Variants in TMUB2 observed in about 807,000 individuals in gnomAD.
TMUB2 encodes the protein transmembrane and ubiquitin like domain containing 2.
Under a neutral mutation model 20.2 loss-of-function variants are expected in TMUB2, and 19 were observed. The ratio of observed to expected loss-of-function variants is 0.94; its 90% CI spans 0.66 to 1.38. TMUB2 has a LOEUF of 1.38. Ranked by LOEUF, TMUB2 falls within the 40% of genes most tolerant of loss-of-function variation. The pLI, the probability that TMUB2 is intolerant of heterozygous loss-of-function variation, is 0.00. For synonymous variants in TMUB2, 186 were observed against 166.0 expected, an observed-to-expected ratio of 1.12 and a Z score of -0.92; for missense variants, 426 against 402.5, an observed-to-expected ratio of 1.06 and a Z score of -0.50.
At chr17:44,187,442 G>A (rs1166122231) in intron 1 of TMUB2, 2 of 543,492 alleles carry the variant, frequency 3.7e-6, no homozygotes, top group African/African-American at 1.9e-5. Context: ...GTACGGACAG[G>A]GTAGATCACA....
chr17:44,187,461 G>A (rs775735198), intron 1 of TMUB2: 16 of 566,640 alleles, frequency 2.8e-5, no homozygotes, highest in African/African-American at 1.1e-4. Flanking sequence ...CAGGCTGAGG[G>A]ACAGAGCAAA....
In TMUB2 at chr17:44,191,873, A is replaced by G. The variant is rs2055656827; in HGVS notation, c.*1009A>G. 1 of 347,580 alleles carries G rather than the reference A, an allele frequency of 2.9e-6. No homozygotes were observed. The highest frequency in any genetic ancestry group is 4.0e-6 in the Non-Finnish European group (1 of 247,202). The allele number at this position is 347,580 out of a possible 1,614,324, so 21.5% of individuals were successfully genotyped here. On this transcript the variant is annotated 3_prime_UTR_variant, in exon 4 of 4. Transcript: ENST00000538716. ...GCAGAGGGAATACACAGCGTTTACA[A>G]AGTTAGCTACCTGTACAGAATGGAT...
chr17:44,190,400 C>A, intron 3 of TMUB2, 101 bp from the exon 4 acceptor site: 2 of 1,226,710 alleles, frequency 1.6e-6, no homozygotes, highest in African/African-American at 1.5e-5. Flanking sequence ...AAAAAATCCA[C>A]CCTCCAGTTT....
In TMUB2 at chr17:44,191,692, G is replaced by C; in HGVS notation, c.*828G>C. On this transcript the variant is annotated 3_prime_UTR_variant, in exon 4 of 4. Coordinates refer to ENST00000538716, the MANE Select transcript of TMUB2 (RefSeq NM_001076674.3). ...TGCTTCTGGGGCTATTGGAGGGTCA[G>C]TGTCTGTGACTGAATAAAGTTCCAT... is the stretch of plus-strand genomic sequence containing the variant. The C allele has an allele frequency of 1.0e-6, 1 of 985,812 alleles. No homozygotes were observed. Among genetic ancestry groups the C allele is most frequent in the Non-Finnish European group, 1.2e-6 (1 of 829,986 alleles). 61.1% of individuals were successfully genotyped at this position (985,812 alleles called of 1,614,324 possible).
chr17:44,187,483 C>T (rs971408065), intron 1 of TMUB2, 193 bp from the exon 2 acceptor site: 3 of 586,330 alleles, frequency 5.1e-6, no homozygotes, highest in Non-Finnish European at 6.1e-6. Flanking sequence ...ACCCCTGAGG[C>T]CGGACACCTG....
chr17:44,189,631 C>G (rs748909395), intron 3 of TMUB2, 43 bp downstream of exon 3: 1 of 1,512,076 alleles, frequency 6.6e-7, no homozygotes, highest in Admixed American at 2.1e-5. Flanking sequence ...GCTCATCCCC[C>G]AGCCCTTGGT....
In TMUB2 at chr17:44,190,737, T is replaced by G. The variant is rs373765208; in HGVS notation, c.839T>G (p.Val280Gly). 5 of 1,614,112 alleles carry G rather than the reference T, an allele frequency of 3.1e-6. No homozygotes were observed. The highest frequency in any genetic ancestry group is 4.2e-6 in the Non-Finnish European group (5 of 1,180,046). Reference protein sequence around the residue: ...VGSLMVPVFVVLLGVVWYFRI... With the variant: ...VGSLMVPVFVGLLGVVWYFRI... ...AGCCTCATGGTGCCTGTCTTTGTGG[T>G]GCTGTTGGGTGTGGTCTGGTACTTC... Residue 280 changes from valine (V) to glycine (G), a missense_variant, in exon 4 of 4, where the codon GTG becomes GGG. By Grantham distance (109) the Val-to-Gly change is moderately radical. Transcript: ENST00000538716.
chr17:44,190,440 G>GCCTGTTTGCCTTCTCATT, intron 3 of TMUB2, 61 bp from the exon 4 acceptor site: 1 of 1,524,216 alleles, frequency 6.6e-7, no homozygotes, highest in Non-Finnish European at 8.8e-7. Flanking sequence ...GTTGGTCCAG[G>GCCTGTTTGCCTTCTCATT]CCTGTTTGCC....
intron 3 of TMUB2, 81 bp from the exon 4 acceptor site, chr17:44,190,420 C>G (rs961027797): frequency 1.4e-6 from 2 of 1,445,008 alleles, no homozygotes; most frequent in Non-Finnish European, 1.8e-6. Flanking sequence ...TTTCCCCACT[C>G]CCCTGCTTTG....
chr17:44,187,804 C>T lies in TMUB2; in HGVS notation c.35+61C>T, dbSNP rs1340165263. 9.8e-6 allele frequency: 7 copies of T among 717,508 alleles called. No individual in the cohort carries two copies. In the African/African-American group the frequency reaches 1.2e-4, roughly 13 times the overall value. 44.4% of individuals were successfully genotyped at this position (717,508 alleles called of 1,614,324 possible). A position where few individuals can be genotyped will look rare whatever the true frequency, so the allele number is the denominator to read the frequency against. On this transcript the variant is annotated intron_variant, in intron 2 of 3. Coordinates refer to ENST00000538716, the MANE Select transcript of TMUB2 (RefSeq NM_001076674.3). ...AAAGCTGAGGCTCTGAGAAAGTTGT[C>T]TGAGGTGTTATAGCTAGTAAGACGC...
Position 44,190,792 on chromosome 17 carries a change from A to G in TMUB2, c.894A>G (p.Ala298=). Residue 298 remains alanine (A), a synonymous_variant, in exon 4 of 4, where the codon GCA becomes GCG. Transcript: ENST00000538716. The stretch of plus-strand genomic sequence containing the variant: ...TCAATTACCGCCAATTCTTCACAGC[A>G]CCTGCCACTGTCTCCCTGGTGGGAG... The part of the protein sequence containing the change: ...FRINYRQFFT[A]PATVSLVGVT... The G allele has an allele frequency of 6.3e-7, 1 of 1,591,342 alleles. No individual in the cohort carries two copies. The highest frequency in any genetic ancestry group is 8.6e-7 in the Non-Finnish European group (1 of 1,169,496).
In TMUB2 at chr17:44,189,571, C is replaced by T. The variant is rs758226035; in HGVS notation, c.585C>T (p.Thr195=). 5.0e-6 allele frequency: 8 copies of T among 1,594,940 alleles called. No homozygotes were observed. The highest frequency in any genetic ancestry group is 1.3e-5 in the African/African-American group (1 of 74,522). The change falls in exon 3 of 4, where the codon ACC becomes ACT. Residue 195 remains threonine, a synonymous_variant. Transcript: ENST00000538716. ...EELAVARPED[T]VGALKSKYFP... is the part of the protein sequence containing the mutation. ...TGGCTGTGGCTAGGCCAGAGGATACCGTGGGTGCCCTGAAGAGGTGAGTGG... is the reference window on the plus strand; with the variant it reads ...TGGCTGTGGCTAGGCCAGAGGATACTGTGGGTGCCCTGAAGAGGTGAGTGG...
At chr17:44,187,535 G>A (rs1290895556) in intron 1 of TMUB2, 141 bp from the exon 2 acceptor site, 2 of 630,730 alleles carry the variant, frequency 3.2e-6, no homozygotes, top group East Asian at 2.8e-5. Flanking sequence ...CCCTGTGTCT[G>A]TGCCAATCGT....
At position 44,191,848 on chromosome 17, in the gene TMUB2, G is replaced by A. The variant is rs1200793167; in HGVS notation, c.*984G>A. 4.2e-5 allele frequency: 22 copies of A among 528,882 alleles called. No homozygotes were observed. The highest frequency in any genetic ancestry group is 9.4e-4 in the Middle Eastern group (1 of 1,064). 32.8% of individuals were successfully genotyped at this position (528,882 alleles called of 1,614,324 possible). Reference sequence around the variant, plus strand: ...TTTATTTACACCAGCAGCCATGGGGGCAGAGGGAATACACAGCGTTTACAA... The same window carrying A: ...TTTATTTACACCAGCAGCCATGGGGACAGAGGGAATACACAGCGTTTACAA... On this transcript the variant is annotated 3_prime_UTR_variant, in exon 4 of 4. Coordinates refer to ENST00000538716, the MANE Select transcript of TMUB2 (RefSeq NM_001076674.3).
In TMUB2 at chr17:44,191,212, T is replaced by G; in HGVS notation, c.*348T>G. On this transcript the variant is annotated 3_prime_UTR_variant, in exon 4 of 4. Transcript: ENST00000538716. ...GACTCTTCCCAGTGTCCTGCATGTC[T>G]GCCCCCAGCACCCAGGGCTGCCTGC... 9.4e-7 allele frequency: 1 copy of G among 1,061,562 alleles called. No individual in the cohort carries two copies. Among genetic ancestry groups the G allele is most frequent in the Non-Finnish European group, 1.1e-6 (1 of 876,716 alleles). The allele number at this position is 1,061,562 out of a possible 1,614,324, so 65.8% of individuals were successfully genotyped here.
Position 44,191,178 on chromosome 17 carries a change from T to C in TMUB2, c.*314T>C. ...CTGGGCTCTGAGATTCCCTCCCACC[T>C]GTGGTTCTGACTCTTCCCAGTGTCC... is the stretch of plus-strand genomic sequence containing the variant. On this transcript the variant is annotated 3_prime_UTR_variant, in exon 4 of 4. Coordinates refer to ENST00000538716, the MANE Select transcript of TMUB2 (RefSeq NM_001076674.3). 1 of 1,122,178 alleles carries C rather than the reference T, an allele frequency of 8.9e-7. No individual in the cohort carries two copies. Among genetic ancestry groups the C allele is most frequent in the Non-Finnish European group, 1.1e-6 (1 of 913,882 alleles). The allele number at this position is 1,122,178 out of a possible 1,614,324, so 69.5% of individuals were successfully genotyped here. A position where few individuals can be genotyped will look rare whatever the true frequency, so the allele number is the denominator to read the frequency against.
chr17:44,188,055 G>A (rs2054739495), intron 2 of TMUB2: 1 of 332,796 alleles, frequency 3.0e-6, no homozygotes. Context: ...AGAATAGTCT[G>A]ATAATGGTAA....
chr17:44,189,005 C>T lies in TMUB2; in HGVS notation c.36-17C>T, dbSNP rs749779840. 1.2e-6 allele frequency: 2 copies of T among 1,603,112 alleles called. No homozygotes were observed. Among genetic ancestry groups the T allele is most frequent in the Non-Finnish European group, 1.7e-6 (2 of 1,173,962 alleles). On this transcript the variant is annotated splice_polypyrimidine_tract_variant and intron_variant, in intron 2 of 3. Coordinates refer to ENST00000538716, the MANE Select transcript of TMUB2 (RefSeq NM_001076674.3). ...CCCCTCAGGCTCTGCTGATGCTGTC[C>T]CCCTTTGTTCCTGCAGCGTGGACCC...
chr17:44,190,984 C>A lies in TMUB2; in HGVS notation c.*120C>A. Reference sequence around the variant, plus strand: ...GGTGGAAAGGATGTGATGGAAATCTCCTCCATAGGACACAGGAGGCAAGTA... The same window carrying A: ...GGTGGAAAGGATGTGATGGAAATCTACTCCATAGGACACAGGAGGCAAGTA... On this transcript the variant is annotated 3_prime_UTR_variant, in exon 4 of 4. Coordinates refer to ENST00000538716, the MANE Select transcript of TMUB2 (RefSeq NM_001076674.3). 7.0e-7 allele frequency: 1 copy of A among 1,435,732 alleles called. No individual in the cohort carries two copies. 88.9% of individuals were successfully genotyped at this position (1,435,732 alleles called of 1,614,324 possible). A position where few individuals can be genotyped will look rare whatever the true frequency, so the allele number is the denominator to read the frequency against.
Sources: gnomAD v4.1 joint callset for allele counts on GRCh38, gnomAD v4.1.1 for gene constraint, MANE v1.5 for transcripts, NCBI Gene and HGNC (gene_info 2026-07-23, HGNC 2026-07-21) for gene names.